FMN2: variants seen among roughly 807,000 people sequenced by gnomAD.
The protein encoded by FMN2 is formin-2.
Under a neutral mutation model 142.3 loss-of-function variants are expected in FMN2, and 51 were observed. That is an observed-to-expected ratio of 0.36 (90% CI 0.29 to 0.45). The LOEUF (loss-of-function observed/expected upper bound fraction) is 0.45, where lower values mean the gene tolerates loss of function less well. FMN2 is among the 20% of genes least tolerant of loss of function. The probability of loss-of-function intolerance (pLI) is 1.00; values close to 1 mark genes in which losing one functional copy is unlikely to be tolerated. For missense variants in FMN2, 1,936 were observed against 2,122.8 expected, an observed-to-expected ratio of 0.91 and a Z score of 1.73; for synonymous variants, 882 against 869.8, an observed-to-expected ratio of 1.01 and a Z score of -0.25.
chr1:240,212,685 A>T (rs1009257945), intron 6 of FMN2, among the ~76,000 whole-genome samples: 98 of 152,348 alleles, frequency 6.4e-4, no homozygotes, highest in African/African-American at 2.1e-3. Flanking sequence ...ATAAATATTT[A>T]AAAAATCCTT....
chr1:240,207,163 A>G lies in FMN2; in HGVS notation c.2351A>G (p.Glu784Gly), dbSNP rs557913219. The change falls in exon 5 of 18, where the codon GAG becomes GGG. Residue 784 changes from glutamate to glycine, a missense_variant. Physicochemically the swap from Glu to Gly is moderately conservative, Grantham distance 98. Around this residue, in one of 8 missense-constraint regions of FMN2, gnomAD observed 478 missense variants for 462.8 expected, o/e 1.03. Coordinates refer to ENST00000319653, the MANE Select transcript of FMN2 (RefSeq NM_020066.5). Reference sequence around the variant, plus strand: ...GGACCTCAGACAAAGTTCTGTTCAGAGATTTCTTTGATTGTGTCTCCAAGG... The same window carrying G: ...GGACCTCAGACAAAGTTCTGTTCAGGGATTTCTTTGATTGTGTCTCCAAGG... ...ESGPQTKFCS[E>G]ISLIVSPRRI... 5 of 1,614,052 alleles carry G rather than the reference A, an allele frequency of 3.1e-6. No homozygotes were observed. In the East Asian group the frequency reaches 1.1e-4, roughly 36 times the overall value.
chr1:240,328,168 A>AAAAAAAAAAAAAAAAAAAAAG (rs1553363688), intron 8 of FMN2, among the ~76,000 whole-genome samples: 1 of 135,802 alleles, frequency 7.4e-6, no homozygotes, highest in African/African-American at 2.8e-5. Flanking sequence ...AAAAAAAAAA[A>AAAAAAAAAAAAAAAAAAAAAG]AAAAGAAAAA....
chr1:240,224,052 C>T (rs1667214289), intron 6 of FMN2, among the ~76,000 whole-genome samples: 1 of 152,054 alleles, frequency 6.6e-6, no homozygotes, highest in Non-Finnish European at 1.5e-5. Context: ...TCTTGCTTCT[C>T]TAGTTCTTTT....
chr1:240,388,538 A>G (rs1258749284), intron 14 of FMN2, among the ~76,000 whole-genome samples: 1 of 152,042 alleles, frequency 6.6e-6, no homozygotes, highest in Non-Finnish European at 1.5e-5. Flanking sequence ...AGGAGAGGTG[A>G]TTGCTCTCAG....
At chr1:240,391,713 T>G (rs932950612) in intron 14 of FMN2, among the ~76,000 whole-genome samples, 1 of 152,096 alleles carries the variant, frequency 6.6e-6, no homozygotes, top group African/African-American at 2.4e-5. Flanking sequence ...GAGCATTGCA[T>G]GAAATAAGAG....
chr1:240,205,522 C>T lies in FMN2; in HGVS notation c.1987-1277C>T, dbSNP rs377758223. Among the ~76,000 whole-genome samples, 12 of 136,006 alleles carry T rather than the reference C, an allele frequency of 8.8e-5. No individual in the cohort carries two copies. The East Asian group carries it at 1.1e-3, about 12-fold the overall frequency. The allele number at this position is 136,006 out of a possible 152,430, so 89.2% of individuals were successfully genotyped here. ...TGTCACCCAGGCTGGAGTGCAGTGG[C>T]GCAATCTCAGCTCACTGCAAGCTCC... On this transcript the variant is annotated intron_variant, in intron 4 of 17. Transcript: ENST00000319653.
intron 7 of FMN2, among the ~76,000 whole-genome samples, chr1:240,284,697 A>G (rs1669527739): frequency 6.6e-6 from 1 of 152,172 alleles, no homozygotes; most frequent in Admixed American, 6.5e-5. Context: ...TCTAAGTTGT[A>G]ATCTGTCTTC....
At chr1:240,144,720 CCTT>C (rs1663360794) in intron 2 of FMN2, 5 of 1,309,678 alleles carry the variant, frequency 3.8e-6, no homozygotes, top group African/African-American at 2.9e-5. Flanking sequence ...TCATCAATGT[CCTT>C]CTCCAGCATG....
chr1:240,175,865 C>T (rs1664892292), intron 2 of FMN2, among the ~76,000 whole-genome samples: 1 of 152,064 alleles, frequency 6.6e-6, no homozygotes. Flanking sequence ...GAAACAATGT[C>T]TATTCAAGTC....
chr1:240,384,256 A>G (rs942696218), intron 14 of FMN2, among the ~76,000 whole-genome samples: 42 of 152,124 alleles, frequency 2.8e-4, no homozygotes, highest in African/African-American at 1.0e-3. Context: ...ATTATGTAAT[A>G]TATCTATGTA....
intron 2 of FMN2, among the ~76,000 whole-genome samples, chr1:240,149,783 T>A (rs2103269925): frequency 6.6e-6 from 1 of 152,310 alleles, no homozygotes; most frequent in South Asian, 2.1e-4. Context: ...CACTGCAAAA[T>A]ATATTCACAG....
At chr1:240,420,773 A>G (rs1674735111) in intron 15 of FMN2, among the ~76,000 whole-genome samples, 1 of 152,116 alleles carries the variant, frequency 6.6e-6, no homozygotes, top group Non-Finnish European at 1.5e-5. Context: ...ACATTCCCAC[A>G]CAGGACAGGG....
At chr1:240,226,953 A>T (rs1274576321) in intron 6 of FMN2, among the ~76,000 whole-genome samples, 1 of 152,182 alleles carries the variant, frequency 6.6e-6, no homozygotes, top group East Asian at 1.9e-4. Context: ...AAGGATGTTC[A>T]TTCTTGTTAC....
chr1:240,267,952 C>A (rs1668873779), intron 7 of FMN2, among the ~76,000 whole-genome samples: 3 of 152,012 alleles, frequency 2.0e-5, no homozygotes, highest in Admixed American at 2.0e-4. Context: ...AAATCCAAAT[C>A]ATTATGAGAT....
At chr1:240,217,078 T>C (rs1284101127) in intron 6 of FMN2, among the ~76,000 whole-genome samples, 4 of 152,196 alleles carry the variant, frequency 2.6e-5, no homozygotes, top group Non-Finnish European at 4.4e-5. Context: ...TAATTGCCAA[T>C]AAAAGGCTGC....
intron 7 of FMN2, among the ~76,000 whole-genome samples, chr1:240,289,301 A>T (rs962791536): frequency 6.6e-6 from 1 of 152,130 alleles, no homozygotes. Flanking sequence ...AAAAATATCA[A>T]TGTAAGGCAT....
chr1:240,425,215 G>GAC (rs1674895823), intron 15 of FMN2, among the ~76,000 whole-genome samples: 1 of 151,698 alleles, frequency 6.6e-6, no homozygotes, highest in Admixed American at 6.6e-5. Context: ...GAGAGAGAGA[G>GAC]AGAGAGAGAG....
intron 7 of FMN2, among the ~76,000 whole-genome samples, chr1:240,260,366 C>T (rs925151756): frequency 6.6e-6 from 1 of 152,142 alleles, no homozygotes; most frequent in East Asian, 1.9e-4. Context: ...TACATTCCCA[C>T]CAGCAGTGTA....
chr1:240,227,775 C>T (rs1226982137), intron 6 of FMN2, among the ~76,000 whole-genome samples: 1 of 152,092 alleles, frequency 6.6e-6, no homozygotes, highest in African/African-American at 2.4e-5. Flanking sequence ...GCAATGGTTT[C>T]TTAGATCTAT....
Sources: gnomAD v4.1 joint callset for allele counts (sites outside exome capture counted in the v4.1 genomes callset) on GRCh38, gnomAD v4.1.1 for gene constraint, gnomAD v4.1.1 regional missense constraint, MANE v1.5 for transcripts, NCBI Gene and HGNC (gene_info 2026-07-23, HGNC 2026-07-21) for gene names.